The following KCP variants were observed in gnomAD, a reference collection of about 807,000 sequenced individuals.
The protein encoded by KCP is kielin/chordin-like protein.
In KCP, 194 loss-of-function variants were observed where a neutral mutation model predicts 212.7. That is an observed-to-expected ratio of 0.91 (90% CI 0.81 to 1.03). The LOEUF (loss-of-function observed/expected upper bound fraction) is 1.03, where lower values mean the gene tolerates loss of function less well. Ranked by LOEUF, KCP falls within the 50% of genes least tolerant of loss-of-function variation. The probability of loss-of-function intolerance (pLI) is 0.00; values close to 1 mark genes in which losing one functional copy is unlikely to be tolerated. For missense variants in KCP, 2,080 were observed against 2,162.5 expected (o/e 0.96, Z 0.76); for synonymous variants, 833 against 865.3 (o/e 0.96, Z 0.65).
intron 8 of KCP, among the ~76,000 whole-genome samples, chr7:128,898,454 C>T (rs546235711): frequency 6.6e-6 from 1 of 152,224 alleles, no homozygotes; most frequent in African/African-American, 2.4e-5. Context: ...TGGAAAATGT[C>T]AGACCTTATT....
chr7:128,904,232 C>A, intron 5 of KCP, 94 bp from the exon 6 acceptor site: 1 of 1,522,280 alleles, frequency 6.6e-7, no homozygotes, highest in Non-Finnish European at 8.9e-7. Context: ...AGGTACTGGA[C>A]CCTTGGGGTT....
Position 128,894,036 on chromosome 7 carries a change from C to T in KCP, c.945G>A (p.Arg315=), listed in dbSNP as rs1327478484. The T allele has an allele frequency of 1.3e-6, 2 of 1,549,900 alleles. No individual in the cohort carries two copies. The highest frequency in any genetic ancestry group is 2.4e-5 in the East Asian group (1 of 40,886). The change falls in exon 10 of 40, where the codon CGG becomes CGA. Residue 315 remains arginine, a synonymous_variant. Transcript: ENST00000610776. Reference sequence around the variant, plus strand: ...CCACAGGCTCCCCGCTGCGGTGCTCCCGCCCGTTTAGGAAACAGCCTGTTG... The same window carrying T: ...CCACAGGCTCCCCGCTGCGGTGCTCTCGCCCGTTTAGGAAACAGCCTGTTG... ...PVCDGCFLNG[R]EHRSGEPVGS...
At position 128,894,258 on chromosome 7, in the gene KCP, G is replaced by A. The variant is rs1794381129; in HGVS notation, c.867C>T (p.Ala289=). Residue 289 remains alanine (A), a synonymous_variant, in exon 9 of 40, where the codon GCC becomes GCT. Transcript: ENST00000610776. ...GHIQCRQREC[A]SLCPYPARPL... is the part of the protein sequence containing the mutation. ...GCCGGGCTGGGTATGGACACAGGCT[G>A]GCACATTCTCGCTGGCGGCACTGGA... 6.5e-7 allele frequency: 1 copy of A among 1,544,884 alleles called. No individual in the cohort carries two copies. Among genetic ancestry groups the A allele is most frequent in the Non-Finnish European group, 8.8e-7 (1 of 1,142,586 alleles).
chr7:128,892,639 G>T, intron 15 of KCP, 32 bp from the exon 16 acceptor site: 2 of 1,550,574 alleles, frequency 1.3e-6, no homozygotes, highest in Non-Finnish European at 1.7e-6. Flanking sequence ...AGCAATCGGG[G>T]CATGCCCAGG....
At chr7:128,905,698 A>G (rs1795089856) in intron 5 of KCP, among the ~76,000 whole-genome samples, 1 of 152,124 alleles carries the variant, frequency 6.6e-6, no homozygotes, top group African/African-American at 2.4e-5. Context: ...TGCCCATAGA[A>G]AAAAGTCCTA....
At position 128,886,553 on chromosome 7, in the gene KCP, C is replaced by A. The variant is rs1198822480; in HGVS notation, c.2777G>T (p.Gly926Val). ...GSCEWCRCQA[G>V]QVSCVRLQCP... ...CTGCAGCCGCACACAGCTGACCTGG[C>A]CAGCCTGTAGGAGATGCAGGGACAC... The change falls in exon 26 of 40, where the codon GGC becomes GTC. Residue 926 changes from glycine (G) to valine (V), a missense_variant. Gly to Val is a moderately radical substitution (Grantham distance 109, BLOSUM62 -3). Transcript: ENST00000610776. The A allele has an allele frequency of 6.4e-7, 1 of 1,551,148 alleles. No individual in the cohort carries two copies. The highest frequency in any genetic ancestry group is 8.7e-7 in the Non-Finnish European group (1 of 1,146,770).
chr7:128,901,575 A>G (rs1794846796), intron 8 of KCP, among the ~76,000 whole-genome samples: 1 of 152,196 alleles, frequency 6.6e-6, no homozygotes, highest in Non-Finnish European at 1.5e-5. Flanking sequence ...GCCGTGAGCC[A>G]AGATCACGCC....
chr7:128,877,251 C>A lies in KCP; in HGVS notation c.4679G>T (p.Arg1560Leu). Residue 1560 changes from arginine to leucine, a missense_variant, in exon 40 of 40, where the codon CGC becomes CTC. Coordinates refer to ENST00000610776, the MANE Select transcript of KCP (RefSeq NM_001366122.1). ...GGGGATATGCTGATTGAAGCAGGTGCGGGGACAGGGTGGGCCGCACTCATC... is the reference window on the plus strand; with the variant it reads ...GGGGATATGCTGATTGAAGCAGGTGAGGGGACAGGGTGGGCCGCACTCATC... ...VFDECGPPCP[R>L]TCFNQHIPLG... The A allele has an allele frequency of 6.7e-7, 1 of 1,487,564 alleles. No homozygotes were observed. The highest frequency in any genetic ancestry group is 1.3e-5 in the South Asian group (1 of 74,444). The allele number at this position is 1,487,564 out of a possible 1,614,324, so 92.1% of individuals were successfully genotyped here.
At position 128,878,586 on chromosome 7, in the gene KCP, G is replaced by A. The variant is rs778705209; in HGVS notation, c.4283C>T (p.Ser1428Leu). 12 of 1,551,210 alleles carry A rather than the reference G, an allele frequency of 7.7e-6. No individual in the cohort carries two copies. The African/African-American group carries it at 1.2e-4, about 16-fold the overall frequency. ...CCAGCTATTCCCAAACGCAGCCTCCGAGGGCAGGAGCAGCCCCTCAGGGCC... is the reference window on the plus strand; with the variant it reads ...CCAGCTATTCCCAAACGCAGCCTCCAAGGGCAGGAGCAGCCCCTCAGGGCC... ...LQGPEGLLLP[S>L]EAAFGNSWQV... Residue 1428 changes from serine to leucine, a missense_variant, in exon 38 of 40, where the codon TCG becomes TTG. By Grantham distance (145) the Ser-to-Leu change is moderately radical. Transcript: ENST00000610776.
At position 128,881,034 on chromosome 7, in the gene KCP, C is replaced by A; in HGVS notation, c.3476G>T (p.Arg1159Leu). ...GGCGATGCACGCATTGCTGGGGTCC[C>A]GCCAGCTCTCTCCATCTGCCACTCT... ...GRRVADGESWRDPSNACIACT... is the reference protein window; with the variant it reads ...GRRVADGESWLDPSNACIACT... Residue 1159 changes from arginine to leucine, a missense_variant, in exon 32 of 40, where the codon CGG becomes CTG. Physicochemically the swap from Arg to Leu is moderately radical, Grantham distance 102. Transcript: ENST00000610776. 1 of 398,882 alleles carries A rather than the reference C, an allele frequency of 2.5e-6. No homozygotes were observed. The highest frequency in any genetic ancestry group is 4.4e-6 in the Non-Finnish European group (1 of 226,264). The allele number at this position is 398,882 out of a possible 1,614,324, so 24.7% of individuals were successfully genotyped here.
At position 128,885,111 on chromosome 7, in the gene KCP, C is replaced by T. The variant is rs2128945384; in HGVS notation, c.3026G>A (p.Cys1009Tyr). The change falls in exon 27 of 40, where the codon TGT becomes TAT. Residue 1009 changes from cysteine to tyrosine, a missense_variant. Physicochemically the swap from Cys to Tyr is radical, Grantham distance 194 (BLOSUM62 -2). Coordinates refer to ENST00000610776, the MANE Select transcript of KCP (RefSeq NM_001366122.1). ...GCTTCCAGTACCAGAGCATTGAGGA[C>T]AGCAGTCATGGGGCCCTTGGCGGGG... is the stretch of plus-strand genomic sequence containing the variant. ...AQPRQGPHDC[C>Y]PQCSDCEHEG... The T allele has an allele frequency of 6.4e-7, 1 of 1,550,840 alleles. No individual in the cohort carries two copies. Among genetic ancestry groups the T allele is most frequent in the South Asian group, 1.2e-5 (1 of 84,062 alleles).
chr7:128,890,885 G>A lies in KCP; in HGVS notation c.2164+20C>T, dbSNP rs1794072754. On this transcript the variant is annotated intron_variant, in intron 20 of 39. Transcript: ENST00000610776. ...GCGGCAGGACGCGGGTGGCCGGGAG[G>A]GGCACCGCCAGGGCGTTACCGTCGC... is the stretch of plus-strand genomic sequence containing the variant. The A allele has an allele frequency of 1.6e-6, 2 of 1,249,844 alleles. No homozygotes were observed. The highest frequency in any genetic ancestry group is 2.0e-6 in the Non-Finnish European group (2 of 1,001,334). 77.4% of individuals were successfully genotyped at this position (1,249,844 alleles called of 1,614,324 possible). A position where few individuals can be genotyped will look rare whatever the true frequency, so the allele number is the denominator to read the frequency against.
intron 7 of KCP, among the ~76,000 whole-genome samples, chr7:128,903,519 G>T (rs1794965064): frequency 1.3e-5 from 2 of 152,238 alleles, no homozygotes; most frequent in African/African-American, 2.4e-5. Flanking sequence ...TATGAGGCAT[G>T]GAATATCATT....
At chr7:128,891,363 C>T in intron 18 of KCP, 85 bp from the exon 19 acceptor site, 6 of 1,546,450 alleles carry the variant, frequency 3.9e-6, no homozygotes, top group Non-Finnish European at 5.2e-6. Context: ...CACCAGGTCC[C>T]ACCCCTCCCA....
chr7:128,888,494 C>T (rs754121988), intron 22 of KCP, among the ~76,000 whole-genome samples: 8 of 106,714 alleles, frequency 7.5e-5, no homozygotes, highest in Non-Finnish European at 1.6e-4. Context: ...ACAGATACAC[C>T]CACACAGGCC....
At chr7:128,887,414 CAT>C (rs1793725956) in intron 22 of KCP, 114 bp from the exon 23 acceptor site, 2 of 772,774 alleles carry the variant, frequency 2.6e-6, no homozygotes, top group Non-Finnish European at 4.5e-6. Flanking sequence ...CAGACACACA[CAT>C]AGCCACACAC....
chr7:128,888,795 G>A (rs1472128959), intron 22 of KCP, 68 bp downstream of exon 22: 3 of 1,427,998 alleles, frequency 2.1e-6, no homozygotes, highest in East Asian at 5.0e-5. Context: ...TGGGAGGAAA[G>A]TGGAATCGGT....
At chr7:128,893,931 GCAGGCCCCGGAGC>G (rs1442995348) in intron 10 of KCP, 32 bp from the exon 11 acceptor site, 10 of 1,549,914 alleles carry the variant, frequency 6.5e-6, no homozygotes, top group Admixed American at 2.0e-5. Flanking sequence ...CACGCCAGAG[GCAGGCCCCGGAGC>G]CAGGCCCTCC....
chr7:128,885,141 G>A lies in KCP; in HGVS notation c.2996C>T (p.Ala999Val), dbSNP rs1259416215. The change falls in exon 27 of 40, where the codon GCC (alanine) becomes GTC (valine). Residue 999 changes from alanine to valine, a missense_variant. By Grantham distance (64) the Ala-to-Val change is moderately conservative (BLOSUM62 0). Transcript: ENST00000610776. Reference sequence around the variant, plus strand: ...GTCATGGGGCCCTTGGCGGGGCTGGGCGCAAGAGCTGATGCACTGGATGCG... The same window carrying A: ...GTCATGGGGCCCTTGGCGGGGCTGGACGCAAGAGCTGATGCACTGGATGCG... ...CARIQCISSC[A>V]QPRQGPHDCC... The A allele has an allele frequency of 4.5e-6, 7 of 1,550,856 alleles. No individual in the cohort carries two copies. In the East Asian group the frequency reaches 1.7e-4, roughly 38 times the overall value.
Sources: allele counts gnomAD v4.1 joint callset (sites outside exome capture counted in the v4.1 genomes callset), GRCh38; gene constraint gnomAD v4.1.1; transcripts MANE v1.5; gene names NCBI Gene and HGNC (gene_info 2026-07-23, HGNC 2026-07-21).